Variants in ST6GALNAC3 observed in about 807,000 individuals in gnomAD.
The protein encoded by ST6GALNAC3 is alpha-N-acetylgalactosaminide alpha-2,6-sialyltransferase 3.
ST6GALNAC3 carries 25 observed loss-of-function variants against 32.7 expected under a neutral mutation model. The ratio of observed to expected loss-of-function variants is 0.76; its 90% CI spans 0.56 to 1.07. ST6GALNAC3 has a LOEUF of 1.07. ST6GALNAC3 is among the 50% of genes least tolerant of loss of function. ST6GALNAC3 has a pLI of 0.00. For missense variants in ST6GALNAC3, 355 were observed against 382.4 expected, an observed-to-expected ratio of 0.93 and a Z score of 0.60; for synonymous variants, 129 against 133.1, an observed-to-expected ratio of 0.97 and a Z score of 0.21.
chr1:76,251,618 A>G (rs2100698467), intron 1 of ST6GALNAC3, among the ~76,000 whole-genome samples: 1 of 152,164 alleles, frequency 6.6e-6, no homozygotes, highest in East Asian at 1.9e-4. Flanking sequence ...AAGTTCCCCA[A>G]TCCAAAGTGA....
intron 2 of ST6GALNAC3, 89 bp downstream of exon 2, chr1:76,314,088 C>CTT (rs1646821937): frequency 7.8e-7 from 1 of 1,275,356 alleles, no homozygotes; most frequent in Non-Finnish European, 1.1e-6. Flanking sequence ...ACTCACTGAA[C>CTT]TTACTCTGTC....
chr1:76,468,512 A>G (rs1170365589), intron 3 of ST6GALNAC3, among the ~76,000 whole-genome samples: 1 of 152,070 alleles, frequency 6.6e-6, no homozygotes. Context: ...TCACCTTCTC[A>G]TCACTAAATA....
At chr1:76,107,154 T>G (rs1169134309) in intron 1 of ST6GALNAC3, among the ~76,000 whole-genome samples, 1 of 152,204 alleles carries the variant, frequency 6.6e-6, no homozygotes, top group Non-Finnish European at 1.5e-5. Context: ...AAACATTTCT[T>G]CAAGTCTGGA....
Position 76,634,065 on chromosome 1 carries a change from T to C in ST6GALNAC3, c.*5259T>C. ...TTCTTTTTTTTTTTCAGTTAACTAC[T>C]TGTTTGTTTCTTTTCAGAATAGGCA... is the stretch of plus-strand genomic sequence containing the variant. On this transcript the variant is annotated 3_prime_UTR_variant, in exon 5 of 5. Transcript: ENST00000328299. 4.7e-6 allele frequency: 3 copies of C among 636,816 alleles called. No individual in the cohort carries two copies. The highest frequency in any genetic ancestry group is 5.9e-6 in the Non-Finnish European group (3 of 511,740). The allele number at this position is 636,816 out of a possible 1,614,324, so 39.4% of individuals were successfully genotyped here.
chr1:76,269,142 T>C (rs1235954813), intron 1 of ST6GALNAC3, among the ~76,000 whole-genome samples: 1 of 152,168 alleles, frequency 6.6e-6, no homozygotes. Context: ...GGAAAGTGTA[T>C]ATAATTGTGT....
chr1:76,443,628 C>T (rs2101520276), intron 3 of ST6GALNAC3, among the ~76,000 whole-genome samples: 1 of 152,248 alleles, frequency 6.6e-6, no homozygotes, highest in African/African-American at 2.4e-5. Context: ...ATCAAGAATC[C>T]TAAACCAAAA....
intron 3 of ST6GALNAC3, among the ~76,000 whole-genome samples, chr1:76,420,570 A>G (rs1468580342): frequency 6.6e-6 from 1 of 152,052 alleles, no homozygotes; most frequent in Admixed American, 6.6e-5. Context: ...CAGTACCAAA[A>G]GAATGTATTA....
At chr1:76,608,556 G>A (rs1312937631) in intron 3 of ST6GALNAC3, among the ~76,000 whole-genome samples, 3 of 150,794 alleles carry the variant, frequency 2.0e-5, no homozygotes, top group African/African-American at 7.3e-5. Context: ...CCTCTCAGAA[G>A]GAGCTGTTGT....
intron 2 of ST6GALNAC3, among the ~76,000 whole-genome samples, chr1:76,341,670 T>TTTCTTTCTTTCC (rs1401993830): frequency 7.0e-6 from 1 of 142,400 alleles, no homozygotes; most frequent in Admixed American, 6.9e-5. Context: ...TCTTTCTTTC[T>TTTCTTTCTTTCC]TTCTTTCTTT....
chr1:76,552,671 C>T (rs1448766831), intron 3 of ST6GALNAC3, among the ~76,000 whole-genome samples: 1 of 152,066 alleles, frequency 6.6e-6, no homozygotes, highest in Admixed American at 6.5e-5. Context: ...GTAAACAAAC[C>T]ATTTATGCTT....
chr1:76,484,337 A>G (rs1208061335), intron 3 of ST6GALNAC3, among the ~76,000 whole-genome samples: 5 of 152,180 alleles, frequency 3.3e-5, no homozygotes, highest in Non-Finnish European at 5.9e-5. Flanking sequence ...CACAATATTG[A>G]TTCTTCCTAT....
intron 3 of ST6GALNAC3, among the ~76,000 whole-genome samples, chr1:76,481,675 C>T (rs1009723400): frequency 6.6e-6 from 1 of 152,164 alleles, no homozygotes; most frequent in African/African-American, 2.4e-5. Flanking sequence ...ACTATGTGTT[C>T]TTTCTCCTAT....
chr1:76,456,258 C>A (rs961809007), intron 3 of ST6GALNAC3, among the ~76,000 whole-genome samples: 1 of 152,296 alleles, frequency 6.6e-6, no homozygotes, highest in Middle Eastern at 3.4e-3. Context: ...TGACTTCTTT[C>A]TATGCCATTA....
chr1:76,412,521 C>T, intron 3 of ST6GALNAC3, 104 bp downstream of exon 3: 1 of 1,212,126 alleles, frequency 8.2e-7, no homozygotes, highest in South Asian at 1.6e-5. Flanking sequence ...TTTATTTACG[C>T]TGATTGTTAT....
intron 1 of ST6GALNAC3, among the ~76,000 whole-genome samples, chr1:76,211,932 T>C (rs1043811928): frequency 9.2e-5 from 14 of 152,022 alleles, no homozygotes; most frequent in African/African-American, 3.4e-4. Flanking sequence ...ACTTAAAGTA[T>C]AATAAAGAAT....
chr1:76,484,304 A>T (rs1236639928), intron 3 of ST6GALNAC3, among the ~76,000 whole-genome samples: 1 of 152,168 alleles, frequency 6.6e-6, no homozygotes, highest in East Asian at 1.9e-4. Context: ...TCTATAAATT[A>T]CCTTGGGCAG....
chr1:76,123,438 T>G (rs1649023731), intron 1 of ST6GALNAC3, among the ~76,000 whole-genome samples: 1 of 151,042 alleles, frequency 6.6e-6, no homozygotes. Flanking sequence ...AGCAGATAAT[T>G]ACTGTGCACA....
At chr1:76,101,967 G>A (rs1047635158) in intron 1 of ST6GALNAC3, among the ~76,000 whole-genome samples, 8 of 152,078 alleles carry the variant, frequency 5.3e-5, no homozygotes, top group Non-Finnish European at 1.0e-4. Context: ...TTTGTTGAGT[G>A]CAATGTTCTA....
At chr1:76,588,897 C>A (rs1647003688) in intron 3 of ST6GALNAC3, among the ~76,000 whole-genome samples, 1 of 152,166 alleles carries the variant, frequency 6.6e-6, no homozygotes. Context: ...GCTTCCTGTT[C>A]TTATATATCT....
Sources: allele counts gnomAD v4.1 joint callset (sites outside exome capture counted in the v4.1 genomes callset), GRCh38; gene constraint gnomAD v4.1.1; transcripts MANE v1.5; gene names NCBI Gene and HGNC (gene_info 2026-07-23, HGNC 2026-07-21).